PROX2: variants seen among roughly 807,000 people sequenced by gnomAD.
PROX2 encodes prospero homeobox protein 2.
Under a neutral mutation model 48.9 loss-of-function variants are expected in PROX2, and 46 were observed. The ratio of observed to expected loss-of-function variants is 0.94; its 90% CI spans 0.74 to 1.20. The LOEUF (loss-of-function observed/expected upper bound fraction) is 1.20, where lower values mean the gene tolerates loss of function less well. Among genes scored for constraint, PROX2 ranks in the 50% most tolerant of loss-of-function variants. The pLI is 0.00. For missense variants in PROX2, 663 were observed against 719.4 expected (o/e 0.92, Z 0.90); for synonymous variants, 260 against 276.6 (o/e 0.94, Z 0.60).
At chr14:74,868,899 C>T (rs751704337) in intron 2 of PROX2, among the ~76,000 whole-genome samples, 43 of 152,144 alleles carry the variant, frequency 2.8e-4, no homozygotes, top group Admixed American at 7.2e-4. Flanking sequence ...AATCAGACTG[C>T]CTAGACTTGA....
At chr14:74,857,239 G>A (rs1304230837) in intron 4 of PROX2, 1 of 398,800 alleles carries the variant, frequency 2.5e-6, no homozygotes, top group Non-Finnish European at 4.5e-6. Context: ...CTAGATTTAT[G>A]GGGGTTGTTT....
At chr14:74,869,547 G>A (rs1000544990) in intron 2 of PROX2, among the ~76,000 whole-genome samples, 5 of 152,142 alleles carry the variant, frequency 3.3e-5, no homozygotes, top group Admixed American at 6.5e-5. Context: ...CAAAGTGCTG[G>A]GATTACAAGC....
At position 74,863,426 on chromosome 14, in the gene PROX2, GA is replaced by G; in HGVS notation, c.408del (p.His137IlefsTer3). On this transcript the variant is annotated frameshift_variant, in exon 3 of 6. Transcript: ENST00000556489. LOFTEE classifies it high-confidence loss of function. ...RKGGPRVREQ[L>X]HLLKQQLRHL... ...TGTCTTAGCTGTTGCTTCAGCAGAT[GA>G]AGTTGTTCTCTCACACGAGGGCCCC... 1 of 1,613,504 alleles carries G rather than the reference GA, an allele frequency of 6.2e-7. No individual in the cohort carries two copies. The highest frequency in any genetic ancestry group is 8.5e-7 in the Non-Finnish European group (1 of 1,179,600).
intron 2 of PROX2, among the ~76,000 whole-genome samples, chr14:74,869,665 G>C (rs768042307): frequency 3.9e-5 from 6 of 152,058 alleles, no homozygotes; most frequent in Non-Finnish European, 8.8e-5. Flanking sequence ...CTTTTAAATA[G>C]CCAATTTATG....
At chr14:74,855,450 G>A (rs568449329) in intron 5 of PROX2, 148 bp from the exon 6 acceptor site, 1 of 479,046 alleles carries the variant, frequency 2.1e-6, no homozygotes, top group African/African-American at 1.9e-5. Flanking sequence ...TGCAACCCTA[G>A]GACTCCTCTG....
At chr14:74,860,469 A>G (rs2091786273) in intron 3 of PROX2, among the ~76,000 whole-genome samples, 1 of 152,012 alleles carries the variant, frequency 6.6e-6, no homozygotes, top group Non-Finnish European at 1.5e-5. Context: ...TGGTGGGCAC[A>G]TATGTGTGAA....
intron 3 of PROX2, among the ~76,000 whole-genome samples, chr14:74,861,482 C>A (rs2091794560): frequency 1.3e-5 from 2 of 152,284 alleles, no homozygotes; most frequent in South Asian, 4.1e-4. Flanking sequence ...GGTACTTTTT[C>A]TTCTAACTCA....
chr14:74,862,960 AC>A lies in PROX2; in HGVS notation c.874del (p.Val292SerfsTer9). On this transcript the variant is annotated frameshift_variant, in exon 3 of 6. Coordinates refer to ENST00000556489, the MANE Select transcript of PROX2 (RefSeq NM_001243007.2). LOFTEE classifies it high-confidence loss of function. ...TACTGGGACCCCAGCTTGTAGCTGG[AC>A]CCTCCTGGGCAAGGCAGCCAAAGCA... ...PLALAALPRR[V>X]QLQAGVPVGN... 1.9e-6 allele frequency: 3 copies of A among 1,613,850 alleles called. No homozygotes were observed. The South Asian group carries it at 3.3e-5, about 18-fold the overall frequency.
chr14:74,854,917 A>G lies in PROX2; in HGVS notation c.*215T>C, dbSNP rs962973443. Reference sequence around the variant, plus strand: ...ACTTGTGTTCCTTTTACAATATACTACCAATACACCAATATAGTTAGTACA... The same window carrying G: ...ACTTGTGTTCCTTTTACAATATACTGCCAATACACCAATATAGTTAGTACA... On this transcript the variant is annotated 3_prime_UTR_variant, in exon 6 of 6. Coordinates refer to ENST00000556489, the MANE Select transcript of PROX2 (RefSeq NM_001243007.2). 5.3e-5 allele frequency: 19 copies of G among 357,988 alleles called. No individual in the cohort carries two copies. The highest frequency in any genetic ancestry group is 7.1e-4 in the Middle Eastern group (1 of 1,400). 22.2% of individuals were successfully genotyped at this position (357,988 alleles called of 1,614,324 possible). A position where few individuals can be genotyped will look rare whatever the true frequency, so the allele number is the denominator to read the frequency against.
rs1291837763 is a variant in PROX2, at chr14:74,857,052, G to A, written c.1414-57C>T. 3 of 1,448,634 alleles carry A rather than the reference G, an allele frequency of 2.1e-6. No homozygotes were observed. The East Asian group carries it at 6.8e-5, about 33-fold the overall frequency. The allele number at this position is 1,448,634 out of a possible 1,614,324, so 89.7% of individuals were successfully genotyped here. ...ATTTGCCACGAGGTGCTCAGAATTA[G>A]AACTGTCTGCTTCCAGCTCAGTATA... On this transcript the variant is annotated intron_variant, in intron 4 of 5. Transcript: ENST00000556489.
intron 3 of PROX2, 40 bp downstream of exon 3, chr14:74,862,490 C>A: frequency 6.3e-7 from 1 of 1,575,606 alleles, no homozygotes; most frequent in Non-Finnish European, 8.6e-7. Flanking sequence ...CACACTGCAC[C>A]TGGCCAACAA....
At chr14:74,869,869 A>T (rs1883168418) in intron 2 of PROX2, among the ~76,000 whole-genome samples, 1 of 152,192 alleles carries the variant, frequency 6.6e-6, no homozygotes, top group South Asian at 2.1e-4. Flanking sequence ...TAAGAAACTT[A>T]AAAATGTTTA....
In PROX2 at chr14:74,863,404, C is replaced by G; in HGVS notation, c.431G>C (p.Arg144Thr). 6.2e-7 allele frequency: 1 copy of G among 1,613,658 alleles called. No homozygotes were observed. ...EQLHLLKQQL[R>T]HLQEHILQAA... ...CTGTAGGATGTGCTCTTGCAGATGT[C>G]TTAGCTGTTGCTTCAGCAGATGAAG... Residue 144 changes from arginine (R) to threonine (T), a missense_variant, in exon 3 of 6, where the codon AGA becomes ACA. Coordinates refer to ENST00000556489, the MANE Select transcript of PROX2 (RefSeq NM_001243007.2).
chr14:74,868,024 A>G lies in PROX2; in HGVS notation c.-175+3079T>C, dbSNP rs183501756. On this transcript the variant is annotated intron_variant, in intron 2 of 5. Coordinates refer to ENST00000556489, the MANE Select transcript of PROX2 (RefSeq NM_001243007.2). ...GCTGCCCACAGCCCTTTATCTGGGT[A>G]AGTCTGCATGAAGCAGTGATGCTTT... Among the ~76,000 whole-genome samples, 9 of 152,208 alleles carry G rather than the reference A, an allele frequency of 5.9e-5. No individual in the cohort carries two copies. The East Asian group carries it at 1.7e-3, about 29-fold the overall frequency.
intron 1 of PROX2, among the ~76,000 whole-genome samples, chr14:74,872,807 C>G (rs1371441001): frequency 6.6e-6 from 1 of 152,214 alleles, no homozygotes; most frequent in African/African-American, 2.4e-5. Context: ...CTTCACTGCA[C>G]TGGCTAATGA....
At position 74,874,838 on chromosome 14, in the gene PROX2, T is replaced by C. The variant is rs529818591; in HGVS notation, c.-310+1057A>G. On this transcript the variant is annotated intron_variant, in intron 1 of 5. Transcript: ENST00000556489. ...TTTTTTCATCTCCCTTCATGACACA[T>C]GATTTTTATTTCTTAAAGAATCTTA... Among the ~76,000 whole-genome samples the C allele has an allele frequency of 3.9e-5, 6 of 152,276 alleles. No homozygotes were observed. In the South Asian group the frequency reaches 1.2e-3, roughly 32 times the overall value.
In PROX2 at chr14:74,862,874, T is replaced by C; in HGVS notation, c.961A>G (p.Thr321Ala). Residue 321 changes from threonine to alanine, a missense_variant, in exon 3 of 6, where the codon ACC becomes GCC. Transcript: ENST00000556489. ...GGGGGATCCTGACAGGGTTTGGGGG[T>C]CATTCTTGGAGGGATAGGGTACCTA... ...SPRYPIPPRMTPKPCQDPPAN... is the reference protein window; with the variant it reads ...SPRYPIPPRMAPKPCQDPPAN... 1 of 1,613,494 alleles carries C rather than the reference T, an allele frequency of 6.2e-7. No homozygotes were observed. The highest frequency in any genetic ancestry group is 2.2e-5 in the East Asian group (1 of 44,870).
chr14:74,870,856 A>G (rs1215249766), intron 2 of PROX2, among the ~76,000 whole-genome samples: 2 of 152,168 alleles, frequency 1.3e-5, no homozygotes, highest in Non-Finnish European at 2.9e-5. Context: ...TCTGGCCAAC[A>G]TGGTGAAACC....
At chr14:74,872,488 C>T (rs1018609353) in intron 1 of PROX2, among the ~76,000 whole-genome samples, 1 of 152,162 alleles carries the variant, frequency 6.6e-6, no homozygotes, top group Non-Finnish European at 1.5e-5. Flanking sequence ...GGGCCCACCA[C>T]TGGCATTTCA....
Sources: allele counts gnomAD v4.1 joint callset (sites outside exome capture counted in the v4.1 genomes callset), GRCh38; gene constraint gnomAD v4.1.1; transcripts MANE v1.5; gene names NCBI Gene and HGNC (gene_info 2026-07-23, HGNC 2026-07-21).